The following SELP variants were observed in gnomAD, a reference collection of about 807,000 sequenced individuals.
The protein encoded by SELP is P-selectin.
A neutral mutation model predicts 104.1 loss-of-function variants in SELP; 92 were observed. That is an observed-to-expected ratio of 0.88 (90% CI 0.75 to 1.05). SELP has a LOEUF of 1.05. SELP is among the 50% of genes least tolerant of loss of function. SELP has a pLI of 0.00. For missense variants in SELP, 1,022 were observed against 1,017.3 expected (o/e 1.00, Z -0.06); for synonymous variants, 397 against 364.5 (o/e 1.09, Z -1.01).
chr1:169,629,377 A>G (rs750584396), intron 1 of SELP, among the ~76,000 whole-genome samples: 3 of 152,226 alleles, frequency 2.0e-5, no homozygotes, highest in Admixed American at 6.5e-5. Context: ...CTAATCACTT[A>G]CTATGTGTCA....
chr1:169,612,383 CA>C lies in SELP; in HGVS notation c.794del (p.Leu265ArgfsTer9). 1.2e-6 allele frequency: 2 copies of C among 1,614,078 alleles called. No homozygotes were observed. Among genetic ancestry groups the C allele is most frequent in the Non-Finnish European group, 8.5e-7 (1 of 1,179,966 alleles). On this transcript the variant is annotated frameshift_variant, in exon 6 of 17. Coordinates refer to ENST00000263686, the MANE Select transcript of SELP (RefSeq NM_003005.4). LOFTEE classifies it high-confidence loss of function. Reference sequence around the variant, plus strand: ...TCATGTTTCCTCGTTCAGGAATCTTCAGGGGTGGGCACTGGGCAGCTAAAAC... The same window carrying C: ...TCATGTTTCCTCGTTCAGGAATCTTCGGGGTGGGCACTGGGCAGCTAAAAC... ...PQCLAAQCPP[L>X]KIPERGNMTC... is the part of the protein sequence containing the mutation.
At position 169,612,378 on chromosome 1, in the gene SELP, A is replaced by G; in HGVS notation, c.800T>C (p.Ile267Thr). 5 of 1,614,094 alleles carry G rather than the reference A, an allele frequency of 3.1e-6. No individual in the cohort carries two copies. The highest frequency in any genetic ancestry group is 4.2e-6 in the Non-Finnish European group (5 of 1,179,974). ...CLAAQCPPLK[I>T]PERGNMTCLH... ...GCAGGTCATGTTTCCTCGTTCAGGA[A>G]TCTTCAGGGGTGGGCACTGGGCAGC... The change falls in exon 6 of 17, where the codon ATT becomes ACT. Residue 267 changes from isoleucine to threonine, a missense_variant. Ile to Thr is a moderately conservative substitution (Grantham distance 89). Transcript: ENST00000263686.
At chr1:169,594,658 C>A in intron 13 of SELP, 34 bp downstream of exon 13, 1 of 1,593,212 alleles carries the variant, frequency 6.3e-7, no homozygotes, top group Non-Finnish European at 8.6e-7. Context: ...TTTTCCACAT[C>A]AAAGTGACTT....
intron 10 of SELP, among the ~76,000 whole-genome samples, chr1:169,599,676 A>T (rs1040220810): frequency 6.6e-6 from 1 of 152,228 alleles, no homozygotes; most frequent in Non-Finnish European, 1.5e-5. Flanking sequence ...AATGTATCTG[A>T]GTTGAATATT....
intron 10 of SELP, among the ~76,000 whole-genome samples, chr1:169,598,823 A>G (rs1401491212): frequency 6.6e-6 from 1 of 152,222 alleles, no homozygotes; most frequent in African/African-American, 2.4e-5. Flanking sequence ...AATTGAATGA[A>G]TACAGTAATG....
chr1:169,619,017 C>A, intron 2 of SELP, 112 bp downstream of exon 2: 1 of 751,248 alleles, frequency 1.3e-6, no homozygotes, highest in South Asian at 1.8e-5. Context: ...TGGACTTGGA[C>A]AGTTTTCCCA....
chr1:169,608,453 CA>C (rs1445884840), intron 8 of SELP, among the ~76,000 whole-genome samples: 1 of 152,136 alleles, frequency 6.6e-6, no homozygotes, highest in African/African-American at 2.4e-5. Context: ...TGAGTGGAAT[CA>C]TACAGTATTT....
At chr1:169,621,418 C>T (rs1408223794) in intron 1 of SELP, among the ~76,000 whole-genome samples, 1 of 97,462 alleles carries the variant, frequency 1.0e-5, no homozygotes, top group East Asian at 3.2e-4. Flanking sequence ...GTGCATGGGA[C>T]AGTGTGAGGT....
rs745760005 is a variant in SELP at position 169,630,115 on chromosome 1, C to G, written c.-41G>C. 6 of 1,614,140 alleles carry G rather than the reference C, an allele frequency of 3.7e-6. No homozygotes were observed. In the South Asian group the frequency reaches 6.6e-5, roughly 18 times the overall value. ...GCTGGTTTTCTGCCTTCTGCCCAAC[C>G]CAGACTGCTTACAGTCTCACTGCCT... On this transcript the variant is annotated 5_prime_UTR_variant, in exon 1 of 17. Transcript: ENST00000263686.
At chr1:169,599,272 T>A (rs564053248) in intron 10 of SELP, among the ~76,000 whole-genome samples, 1 of 151,312 alleles carries the variant, frequency 6.6e-6, no homozygotes, top group Non-Finnish European at 1.5e-5. Flanking sequence ...TTAGTGCAGA[T>A]GCAGGAAAAG....
chr1:169,611,431 C>A, intron 7 of SELP, 61 bp downstream of exon 7: 1 of 1,555,630 alleles, frequency 6.4e-7, no homozygotes, highest in Non-Finnish European at 8.8e-7. Flanking sequence ...AGCCCTTGGC[C>A]TCTCTACCAT....
chr1:169,598,739 C>G (rs1175520337), intron 10 of SELP, among the ~76,000 whole-genome samples: 1 of 152,124 alleles, frequency 6.6e-6, no homozygotes, highest in East Asian at 1.9e-4. Flanking sequence ...AAGCAGGGAC[C>G]TTGTCAGTTC....
intron 1 of SELP, among the ~76,000 whole-genome samples, chr1:169,619,710 T>C (rs1392346254): frequency 6.6e-6 from 1 of 152,214 alleles, no homozygotes; most frequent in East Asian, 1.9e-4. Flanking sequence ...TTTTGTACTA[T>C]GGATCTTTGT....
At position 169,617,027 on chromosome 1, in the gene SELP, C is replaced by T. The variant is rs565729651; in HGVS notation, c.481+1G>A. 149 of 1,593,504 alleles carry T rather than the reference C, an allele frequency of 9.4e-5. 1 individual carries two copies. The South Asian group carries it at 1.6e-3, about 17-fold the overall frequency. On this transcript the variant is annotated splice_donor_variant, in intron 3 of 16. Transcript: ENST00000263686. LOFTEE classifies it high-confidence loss of function. ...AAGTTTCAAAGTAGAGAAGGCCCTA[C>T]CTGTGTAACACAATGCGTGCTTTTT...
intron 9 of SELP, among the ~76,000 whole-genome samples, chr1:169,606,717 A>T (rs1662218745): frequency 6.6e-6 from 1 of 152,166 alleles, no homozygotes; most frequent in African/African-American, 2.4e-5. Context: ...AGCAAGGGCC[A>T]TGCCCTACTG....
rs975624857 is a variant in SELP at position 169,615,222 on chromosome 1, T to C, written c.482-1529A>G. ...AATCAAACTTAATTTCATATTACAGTAAATATATCTATTTCTCATCTCCCA... is the reference window on the plus strand; with the variant it reads ...AATCAAACTTAATTTCATATTACAGCAAATATATCTATTTCTCATCTCCCA... On this transcript the variant is annotated intron_variant, in intron 3 of 16. Coordinates refer to ENST00000263686, the MANE Select transcript of SELP (RefSeq NM_003005.4). Among the ~76,000 whole-genome samples the C allele has an allele frequency of 3.9e-5, 6 of 152,218 alleles. No homozygotes were observed. In the East Asian group the frequency reaches 1.2e-3, roughly 29 times the overall value.
chr1:169,601,275 G>T (rs1258670012), intron 10 of SELP, among the ~76,000 whole-genome samples: 6 of 152,138 alleles, frequency 3.9e-5, no homozygotes, highest in African/African-American at 7.2e-5. Flanking sequence ...GACAGCAGAT[G>T]GTAGCATTTT....
At position 169,611,587 on chromosome 1, in the gene SELP, T is replaced by G; in HGVS notation, c.1052A>C (p.Lys351Thr). The G allele has an allele frequency of 6.2e-7, 1 of 1,614,022 alleles. No homozygotes were observed. The highest frequency in any genetic ancestry group is 1.1e-5 in the South Asian group (1 of 91,070). ...LTAFAYGSSC[K>T]FECQPGYRVR... ...TCTGTAGCCGGGCTGGCACTCAAAT[T>G]TACAGCTGGAGCCATAGGCAAAAGC... The change falls in exon 7 of 17, where the codon AAA becomes ACA. Residue 351 changes from lysine (K) to threonine (T), a missense_variant. Physicochemically the swap from Lys to Thr is moderately conservative, Grantham distance 78. Transcript: ENST00000263686.
At chr1:169,609,348 G>A (rs2076074) in intron 8 of SELP, among the ~76,000 whole-genome samples, 156 bp downstream of exon 8, 33,126 of 152,058 alleles carry the variant, frequency 0.22, 4,365 homozygotes, top group Admixed American at 0.35. Flanking sequence ...TTCACGCACC[G>A]TTTCATCTCA....
Sources: allele counts gnomAD v4.1 joint callset (sites outside exome capture counted in the v4.1 genomes callset), GRCh38; gene constraint gnomAD v4.1.1; transcripts MANE v1.5; gene names NCBI Gene and HGNC (gene_info 2026-07-23, HGNC 2026-07-21).